MAOB: variants seen among roughly 807,000 people sequenced by gnomAD.
MAOB encodes amine oxidase [flavin-containing] B.
A neutral mutation model predicts 41.9 loss-of-function variants in MAOB; 15 were observed. The ratio of observed to expected loss-of-function variants is 0.36; its 90% CI spans 0.24 to 0.55. MAOB has a LOEUF of 0.55. Ranked by LOEUF, MAOB falls within the 20% of genes least tolerant of loss-of-function variation. The pLI, the probability that MAOB is intolerant of heterozygous loss-of-function variation, is 0.86. For missense variants in MAOB, 345 were observed against 398.7 expected (o/e 0.87, Z 1.15); for synonymous variants, 167 against 144.2 (o/e 1.16, Z -1.13).
rs779077575 is a variant in MAOB at position 43,778,759 on chromosome X, A to G, written c.1080-20T>C. The stretch of plus-strand genomic sequence containing the variant: ...TTCAACCTGTGAATGAAAAGAGACA[A>G]AAGAGAAAATAAAGGAAAGAAGGGA... On this transcript the variant is annotated intron_variant, in intron 10 of 14. Coordinates refer to ENST00000378069, the MANE Select transcript of MAOB (RefSeq NM_000898.5). 8.6e-7 allele frequency: 1 copy of G among 1,168,225 alleles called. No individual in the cohort carries two copies. The highest frequency in any genetic ancestry group is 1.8e-5 in the South Asian group (1 of 54,180).
intron 3 of MAOB, among the ~76,000 whole-genome samples, chrX:43,810,806 G>T (rs1447108346): frequency 9.0e-6 from 1 of 111,469 alleles, no homozygotes. Flanking sequence ...TATCTTGGAT[G>T]TACTGTAGGA....
rs190072130 is a variant in MAOB, at chrX:43,837,525, C to G, written c.279+1343G>C. On this transcript the variant is annotated intron_variant, in intron 3 of 14. Coordinates refer to ENST00000378069, the MANE Select transcript of MAOB (RefSeq NM_000898.5). ...TATAAAATAAAATTTGAAGGTCAAC[C>G]AAAACATTTATTTATAAATTAAGGA... 2.7e-5 allele frequency among the ~76,000 whole-genome samples: 3 copies of G among 112,266 alleles called. No homozygotes were observed. The East Asian group carries it at 8.4e-4, about 32-fold the overall frequency.
At chrX:43,845,209 A>G (rs187807446) in intron 1 of MAOB, among the ~76,000 whole-genome samples, 7 of 111,615 alleles carry the variant, frequency 6.3e-5, no homozygotes, top group African/African-American at 2.0e-4. Flanking sequence ...TGCTCTTCCC[A>G]TGATGAGTGG....
chrX:43,774,193 C>T (rs112811615), intron 12 of MAOB, among the ~76,000 whole-genome samples: 1,383 of 111,746 alleles, frequency 0.012, 31 homozygotes, highest in African/African-American at 0.043. Flanking sequence ...CATTTCTCAT[C>T]CTGTTTAGAT....
chrX:43,847,930 A>G (rs1162730583), intron 1 of MAOB, among the ~76,000 whole-genome samples: 1 of 112,476 alleles, frequency 8.9e-6, no homozygotes, highest in African/African-American at 3.2e-5. Flanking sequence ...AAATAATGGT[A>G]GACTAATATT....
At chrX:43,795,334 A>C (rs1445581760) in intron 7 of MAOB, among the ~76,000 whole-genome samples, 1 of 112,362 alleles carries the variant, frequency 8.9e-6, no homozygotes, top group Non-Finnish European at 1.9e-5. Flanking sequence ...GAGTTGTGAG[A>C]AAGGGCATGG....
intron 6 of MAOB, among the ~76,000 whole-genome samples, chrX:43,796,761 AGT>A (rs1321571809): frequency 8.9e-6 from 1 of 112,207 alleles, no homozygotes; most frequent in Non-Finnish European, 1.9e-5. Flanking sequence ...TTCCATGAAT[AGT>A]GTGTGTTTTA....
Position 43,793,472 on chromosome X carries a change from C to G in MAOB, c.875G>C (p.Gly292Ala), listed in dbSNP as rs1359832338. 1 of 1,205,135 alleles carries G rather than the reference C, an allele frequency of 8.3e-7. No individual in the cohort carries two copies. Among genetic ancestry groups the G allele is most frequent in the Non-Finnish European group, 1.1e-6 (1 of 890,443 alleles). The change falls in exon 8 of 15, where the codon GGT (glycine) becomes GCT (alanine). Residue 292 changes from glycine (G) to alanine (A), a missense_variant. Gly to Ala is a moderately conservative substitution (Grantham distance 60). Coordinates refer to ENST00000378069, the MANE Select transcript of MAOB (RefSeq NM_000898.5). ...RNQMITRVPL[G>A]SVIKCIVYYK... Reference sequence around the variant, plus strand: ...ATAAACTATACACTTGATGACTGAACCCAAAGGCACACGAGTGATCATCTG... The same window carrying G: ...ATAAACTATACACTTGATGACTGAAGCCAAAGGCACACGAGTGATCATCTG...
chrX:43,813,906 A>G (rs2034777827), intron 3 of MAOB, among the ~76,000 whole-genome samples: 1 of 111,435 alleles, frequency 9.0e-6, no homozygotes, highest in Non-Finnish European at 1.9e-5. Flanking sequence ...TAGAAGGTGA[A>G]AAGTGCTGTG....
intron 3 of MAOB, among the ~76,000 whole-genome samples, chrX:43,808,666 C>CTA (rs577242147): frequency 9.9e-6 from 1 of 100,659 alleles, no homozygotes; most frequent in East Asian, 3.0e-4. Flanking sequence ...ATATCTATAT[C>CTA]TATATCTATA....
At chrX:43,785,521 T>C (rs2034388003) in intron 8 of MAOB, among the ~76,000 whole-genome samples, 1 of 112,982 alleles carries the variant, frequency 8.9e-6, no homozygotes, top group African/African-American at 3.2e-5. Context: ...ACTTTTAATT[T>C]CCTTCAAGAA....
At chrX:43,800,308 A>G (rs1447901517) in intron 5 of MAOB, among the ~76,000 whole-genome samples, 1 of 111,427 alleles carries the variant, frequency 9.0e-6, no homozygotes, top group Non-Finnish European at 1.9e-5. Context: ...TGAATTTATT[A>G]AAAGCTTTTC....
At chrX:43,788,242 C>T (rs930913584) in intron 8 of MAOB, among the ~76,000 whole-genome samples, 3 of 111,194 alleles carry the variant, frequency 2.7e-5, no homozygotes, top group African/African-American at 9.8e-5. Context: ...AGAGCAAGAA[C>T]TCATTTATTA....
In MAOB at chrX:43,767,374, T is replaced by C. The variant is rs1468070613; in HGVS notation, c.*92A>G. 2 of 923,721 alleles carry C rather than the reference T, an allele frequency of 2.2e-6. No individual in the cohort carries two copies. Among genetic ancestry groups the C allele is most frequent in the Non-Finnish European group, 1.5e-6 (1 of 669,479 alleles). 76.1% of individuals were successfully genotyped at this position (923,721 alleles called of 1,213,427 possible). A position where few individuals can be genotyped will look rare whatever the true frequency, so the allele number is the denominator to read the frequency against. ...ATGCTCCCCGCCTCACTCCACACTA[T>C]TTGTCTTCATGGAACTTTACTGCAA... On this transcript the variant is annotated 3_prime_UTR_variant, in exon 15 of 15. Transcript: ENST00000378069.
At chrX:43,824,945 C>T (rs1293687085) in intron 3 of MAOB, among the ~76,000 whole-genome samples, 1 of 112,989 alleles carries the variant, frequency 8.9e-6, no homozygotes, top group Non-Finnish European at 1.9e-5. Flanking sequence ...TACTTCTCTA[C>T]TTCAAACCTT....
At chrX:43,789,335 G>A (rs951892611) in intron 8 of MAOB, among the ~76,000 whole-genome samples, 3 of 112,115 alleles carry the variant, frequency 2.7e-5, no homozygotes, top group Admixed American at 1.9e-4. Context: ...CCCTCTAGGG[G>A]GAGGAACAAT....
At chrX:43,801,206 G>A (rs192098616) in intron 5 of MAOB, among the ~76,000 whole-genome samples, 176 of 108,778 alleles carry the variant, frequency 1.6e-3, no homozygotes, top group African/African-American at 5.7e-3. Context: ...GTATACATGT[G>A]CCATGCTGGT....
At chrX:43,795,672 T>G (rs1269562592) in intron 7 of MAOB, 67 bp downstream of exon 7, 2 of 979,413 alleles carry the variant, frequency 2.0e-6, no homozygotes, top group African/African-American at 3.9e-5. Flanking sequence ...ATTCTAAGAA[T>G]TTTTAAAGTT....
chrX:43,831,357 G>A (rs1016653286), intron 3 of MAOB, among the ~76,000 whole-genome samples: 21 of 111,001 alleles, frequency 1.9e-4, no homozygotes, highest in Admixed American at 1.1e-3. Context: ...TTTATAAAAT[G>A]TTTTGGCAGT....
Sources: gnomAD v4.1 joint callset for allele counts (sites outside exome capture counted in the v4.1 genomes callset) on GRCh38, gnomAD v4.1.1 for gene constraint, MANE v1.5 for transcripts, NCBI Gene and HGNC (gene_info 2026-07-23, HGNC 2026-07-21) for gene names.